TTC28: variants seen among roughly 807,000 people sequenced by gnomAD.
TTC28 encodes the protein tetratricopeptide repeat protein 28.
A neutral mutation model predicts 198.0 loss-of-function variants in TTC28; 61 were observed. The ratio of observed to expected loss-of-function variants is 0.31; its 90% confidence interval spans 0.25 to 0.38. The LOEUF is 0.38. Among genes scored for constraint, TTC28 ranks in the 10% least tolerant of loss-of-function variants. The pLI, the probability that TTC28 is intolerant of heterozygous loss-of-function variation, is 1.00. For missense variants in TTC28, 2,678 were observed against 3,164.0 expected, an observed-to-expected ratio of 0.85 and a Z score of 3.69; for synonymous variants, 1,171 against 1,297.8, an observed-to-expected ratio of 0.90 and a Z score of 2.10.
chr22:28,579,277 A>G (rs2050197478), intron 2 of TTC28, among the ~76,000 whole-genome samples: 1 of 150,052 alleles, frequency 6.7e-6, no homozygotes, highest in Non-Finnish European at 1.5e-5. Context: ...ATATACGTAT[A>G]TAACCATATA....
intron 1 of TTC28, among the ~76,000 whole-genome samples, chr22:28,662,004 T>C (rs747377078): frequency 4.6e-5 from 7 of 151,514 alleles, no homozygotes; most frequent in Non-Finnish European, 8.9e-5. Flanking sequence ...GCCTCCCAAA[T>C]AGCTGAAATA....
rs541893220 is a variant in TTC28 at position 28,641,181 on chromosome 22, G to A, written c.103-11351C>T. Among the ~76,000 whole-genome samples the A allele has an allele frequency of 7.2e-5, 11 of 152,108 alleles. No individual in the cohort carries two copies. The East Asian group carries it at 1.2e-3, about 16-fold the overall frequency. The stretch of plus-strand genomic sequence containing the variant: ...TCTACTAAAATGCAAACAATTAGCC[G>A]GGCGTGGTGGCGCGTGCCTGTAGTC... On this transcript the variant is annotated intron_variant, in intron 1 of 22. Coordinates refer to ENST00000397906, the MANE Select transcript of TTC28 (RefSeq NM_001145418.2).
chr22:28,207,368 C>CA (rs1926514668), intron 5 of TTC28, among the ~76,000 whole-genome samples: 1 of 151,942 alleles, frequency 6.6e-6, no homozygotes, highest in Non-Finnish European at 1.5e-5. Context: ...AACACTGACC[C>CA]AAAAACACTA....
At chr22:28,298,972 G>A (rs1336132310) in intron 3 of TTC28, among the ~76,000 whole-genome samples, 1 of 152,134 alleles carries the variant, frequency 6.6e-6, no homozygotes, top group Non-Finnish European at 1.5e-5. Flanking sequence ...TATTTATTAA[G>A]ATGGAAGATA....
chr22:28,247,214 G>C (rs970394311), intron 5 of TTC28, among the ~76,000 whole-genome samples: 2 of 152,184 alleles, frequency 1.3e-5, no homozygotes, highest in African/African-American at 4.8e-5. Context: ...CAACATTCAA[G>C]AAGGAAAACA....
intron 5 of TTC28, among the ~76,000 whole-genome samples, chr22:28,206,933 G>A (rs148248021): frequency 1.2e-4 from 18 of 152,212 alleles, no homozygotes; most frequent in African/African-American, 4.3e-4. Flanking sequence ...GGGGGTAGGA[G>A]GTGGCAAAGA....
At chr22:28,300,911 G>A (rs1394688636) in intron 3 of TTC28, among the ~76,000 whole-genome samples, 1 of 152,144 alleles carries the variant, frequency 6.6e-6, no homozygotes. Context: ...ACAGACACCT[G>A]TATTTAAAAG....
At chr22:28,259,456 T>C (rs749388461) in intron 5 of TTC28, among the ~76,000 whole-genome samples, 7 of 152,074 alleles carry the variant, frequency 4.6e-5, no homozygotes, top group Admixed American at 1.3e-4. Flanking sequence ...TTTGGACTTA[T>C]AGAGTACTAG....
intron 5 of TTC28, among the ~76,000 whole-genome samples, chr22:28,283,161 G>A (rs2044616639): frequency 6.6e-6 from 1 of 152,112 alleles, no homozygotes; most frequent in African/African-American, 2.4e-5. Context: ...CCAAAAGCCT[G>A]TAAGATACAC....
At chr22:28,555,565 C>G (rs1456285619) in intron 2 of TTC28, among the ~76,000 whole-genome samples, 2 of 152,106 alleles carry the variant, frequency 1.3e-5, no homozygotes, top group Non-Finnish European at 2.9e-5. Flanking sequence ...GAATTGGAGA[C>G]TATTATTCTA....
At chr22:28,613,511 G>C (rs2050853916) in intron 2 of TTC28, among the ~76,000 whole-genome samples, 1 of 152,136 alleles carries the variant, frequency 6.6e-6, no homozygotes, top group Admixed American at 6.5e-5. Flanking sequence ...GAGAATTTTA[G>C]ACCAATATCC....
chr22:28,618,030 TG>T (rs1361061718), intron 2 of TTC28, among the ~76,000 whole-genome samples: 3 of 152,080 alleles, frequency 2.0e-5, no homozygotes, highest in Non-Finnish European at 4.4e-5. Context: ...CCCAGCACTT[TG>T]GGGGGCCGAG....
intron 5 of TTC28, among the ~76,000 whole-genome samples, chr22:28,219,552 G>A (rs1305955970): frequency 6.6e-6 from 1 of 151,916 alleles, no homozygotes; most frequent in African/African-American, 2.4e-5. Flanking sequence ...ACCTACTGTG[G>A]AGAAGCTCAT....
intron 2 of TTC28, among the ~76,000 whole-genome samples, chr22:28,361,225 C>T (rs529079059): frequency 8.5e-5 from 13 of 152,276 alleles, no homozygotes; most frequent in Admixed American, 7.8e-4. Flanking sequence ...CTGAGATAGG[C>T]CAAAAGCCAA....
chr22:28,414,770 C>T (rs1315957965), intron 2 of TTC28, among the ~76,000 whole-genome samples: 1 of 152,126 alleles, frequency 6.6e-6, no homozygotes, highest in South Asian at 2.1e-4. Context: ...AAAAAAGTAA[C>T]AATATTCTGC....
At chr22:28,210,257 T>C (rs1178578687) in intron 5 of TTC28, among the ~76,000 whole-genome samples, 1 of 152,174 alleles carries the variant, frequency 6.6e-6, no homozygotes, top group East Asian at 1.9e-4. Flanking sequence ...ACGCAGCTTC[T>C]CGCCAGCAAT....
At chr22:28,436,081 T>G (rs2047516072) in intron 2 of TTC28, among the ~76,000 whole-genome samples, 1 of 152,214 alleles carries the variant, frequency 6.6e-6, no homozygotes, top group Admixed American at 6.5e-5. Flanking sequence ...GACTTTAATT[T>G]TAATAGGTGC....
intron 2 of TTC28, among the ~76,000 whole-genome samples, chr22:28,453,422 A>G (rs1306964614): frequency 6.6e-6 from 1 of 152,170 alleles, no homozygotes; most frequent in Admixed American, 6.5e-5. Context: ...TTTATGCCTC[A>G]AAAACCCACT....
intron 2 of TTC28, among the ~76,000 whole-genome samples, chr22:28,545,093 C>T (rs557684400): frequency 9.2e-5 from 14 of 152,304 alleles, no homozygotes; most frequent in African/African-American, 3.4e-4. Flanking sequence ...GAAGAACCCT[C>T]TCTTGGGGTC....
Sources: allele counts gnomAD v4.1 joint callset (sites outside exome capture counted in the v4.1 genomes callset), GRCh38; gene constraint gnomAD v4.1.1; transcripts MANE v1.5; gene names NCBI Gene and HGNC (gene_info 2026-07-23, HGNC 2026-07-21).